The following KCNH5 variants were observed in gnomAD, a reference collection of about 807,000 sequenced individuals.
KCNH5 encodes voltage-gated delayed rectifier potassium channel KCNH5.
KCNH5 carries 46 observed loss-of-function variants against 96.1 expected under a neutral mutation model. The ratio of observed to expected loss-of-function variants is 0.48; its 90% CI spans 0.38 to 0.61. KCNH5 has a LOEUF of 0.61. KCNH5 is among the 20% of genes least tolerant of loss of function. The pLI is 0.00. For missense variants in KCNH5, 907 were observed against 1,225.8 expected (o/e 0.74, Z 3.88); for synonymous variants, 439 against 449.8 (o/e 0.98, Z 0.30).
At chr14:62,985,321 T>G (rs1467075699) in intron 5 of KCNH5, among the ~76,000 whole-genome samples, 1 of 152,276 alleles carries the variant, frequency 6.6e-6, no homozygotes, top group East Asian at 1.9e-4. Flanking sequence ...AAAGTCTTTT[T>G]GTTAGCCATG....
At chr14:62,877,416 A>C (rs1280229381) in intron 7 of KCNH5, among the ~76,000 whole-genome samples, 11 of 152,244 alleles carry the variant, frequency 7.2e-5, no homozygotes, top group African/African-American at 1.4e-4. Flanking sequence ...CAACCTACAA[A>C]ATGGGAGAAA....
chr14:62,704,564 C>T lies in KCNH5; in HGVS notation c.*2944G>A, dbSNP rs1202136865. 2.6e-5 allele frequency: 4 copies of T among 151,776 alleles called. No homozygotes were observed. The highest frequency in any genetic ancestry group is 3.9e-4 in the East Asian group (2 of 5,194). The allele number at this position is 151,776 out of a possible 1,614,324, so 9.4% of individuals were successfully genotyped here. A position where few individuals can be genotyped will look rare whatever the true frequency, so the allele number is the denominator to read the frequency against. The stretch of plus-strand genomic sequence containing the variant: ...TTGCTATTTTGTTACAACCACCTGT[C>T]GAGGATACAGCATCTGATCTTACCT... On this transcript the variant is annotated 3_prime_UTR_variant, in exon 11 of 11. Coordinates refer to ENST00000322893, the MANE Select transcript of KCNH5 (RefSeq NM_139318.5).
chr14:62,758,079 A>T (rs1409612676), intron 10 of KCNH5, among the ~76,000 whole-genome samples: 1 of 150,874 alleles, frequency 6.6e-6, no homozygotes, highest in Non-Finnish European at 1.5e-5. Context: ...TGGGAGACAG[A>T]GGTTGCAGTA....
At chr14:62,840,566 C>CTTTTTTTTT (rs71120238) in intron 8 of KCNH5, among the ~76,000 whole-genome samples, 1,521 of 76,382 alleles carry the variant, frequency 0.02, 2 homozygotes, top group Non-Finnish European at 0.027. Flanking sequence ...TCTTTTTTTT[C>CTTTTTTTTT]TTTTTTTTTT....
chr14:62,716,688 A>T (rs943638110), intron 10 of KCNH5, among the ~76,000 whole-genome samples: 2 of 152,198 alleles, frequency 1.3e-5, no homozygotes, highest in African/African-American at 4.8e-5. Context: ...GGCCTCTAAC[A>T]TCATACTTTA....
chr14:63,003,459 TA>T (rs1305530490), intron 3 of KCNH5, among the ~76,000 whole-genome samples: 4 of 134,102 alleles, frequency 3.0e-5, no homozygotes, highest in Non-Finnish European at 4.6e-5. Context: ...ATTATATATA[TA>T]TTTTATATAT....
chr14:62,941,319 T>G (rs139475544), intron 7 of KCNH5, among the ~76,000 whole-genome samples: 4 of 152,162 alleles, frequency 2.6e-5, no homozygotes, highest in African/African-American at 9.6e-5. Context: ...AAAAGAAAGA[T>G]GGGTATAAAA....
At chr14:63,005,566 C>T (rs992069612) in intron 3 of KCNH5, among the ~76,000 whole-genome samples, 3 of 152,078 alleles carry the variant, frequency 2.0e-5, no homozygotes, top group African/African-American at 7.2e-5. Flanking sequence ...AATAAATTGA[C>T]TCATCTTATG....
Position 62,708,127 on chromosome 14 carries a change from T to G in KCNH5, c.2348A>C (p.Glu783Ala). The G allele has an allele frequency of 6.2e-7, 1 of 1,614,256 alleles. No homozygotes were observed. Among genetic ancestry groups the G allele is most frequent in the Non-Finnish European group, 8.5e-7 (1 of 1,180,050 alleles). The change falls in exon 11 of 11, where the codon GAA becomes GCA. Residue 783 changes from glutamate to alanine, a missense_variant. By Grantham distance (107) the Glu-to-Ala change is moderately radical. Transcript: ENST00000322893. ...GTCAGCACCGCCGTTGGGCTTGAGT[T>G]CCATGGCATCACGGTTGTTCTGCTT... ...SLKQNNRDAM[E>A]LKPNGGADQK... is the part of the protein sequence containing the mutation.
chr14:62,849,609 T>A, intron 8 of KCNH5, 44 bp downstream of exon 8: 1 of 1,510,920 alleles, frequency 6.6e-7, no homozygotes, highest in Admixed American at 1.7e-5. Context: ...CATCTGAAGA[T>A]CCTACTAAAA....
chr14:62,962,807 T>A (rs1890237223), intron 6 of KCNH5, among the ~76,000 whole-genome samples: 1 of 152,186 alleles, frequency 6.6e-6, no homozygotes, highest in Non-Finnish European at 1.5e-5. Flanking sequence ...TATAGCAACA[T>A]TTTAATGAGT....
At chr14:62,730,035 T>C (rs1347497607) in intron 10 of KCNH5, among the ~76,000 whole-genome samples, 1 of 152,256 alleles carries the variant, frequency 6.6e-6, no homozygotes, top group African/African-American at 2.4e-5. Context: ...TCATTTCTTT[T>C]TAAAAACAAA....
chr14:62,715,750 T>G (rs777037570), intron 10 of KCNH5, among the ~76,000 whole-genome samples: 11 of 150,612 alleles, frequency 7.3e-5, no homozygotes, highest in Non-Finnish European at 1.3e-4. Flanking sequence ...TTTTGAAGAA[T>G]TAATTAATTA....
chr14:62,924,254 C>T (rs1040146650), intron 7 of KCNH5, among the ~76,000 whole-genome samples: 1 of 151,844 alleles, frequency 6.6e-6, no homozygotes, highest in African/African-American at 2.4e-5. Flanking sequence ...AAATGCAAGT[C>T]AAAACCACAA....
chr14:62,737,759 C>T (rs1178400168), intron 10 of KCNH5, among the ~76,000 whole-genome samples: 1 of 152,004 alleles, frequency 6.6e-6, no homozygotes, highest in African/African-American at 2.4e-5. Context: ...AGTCGAGTAC[C>T]ACTTTAAAAT....
At chr14:62,773,463 A>G (rs1280679586) in intron 10 of KCNH5, among the ~76,000 whole-genome samples, 2 of 152,060 alleles carry the variant, frequency 1.3e-5, no homozygotes, top group African/African-American at 4.8e-5. Context: ...ATGATCTCTC[A>G]CTAGACTGGA....
intron 5 of KCNH5, among the ~76,000 whole-genome samples, chr14:62,985,794 A>T (rs997349306): frequency 1.3e-5 from 2 of 152,158 alleles, no homozygotes; most frequent in African/African-American, 4.8e-5. Flanking sequence ...TGCCAGACCC[A>T]TAAATCTCCC....
intron 8 of KCNH5, among the ~76,000 whole-genome samples, chr14:62,824,550 TA>T (rs1373473650): frequency 1.3e-5 from 2 of 152,096 alleles, no homozygotes; most frequent in Non-Finnish European, 2.9e-5. Context: ...TTTTTCACCT[TA>T]AAAAGAACAT....
intron 7 of KCNH5, among the ~76,000 whole-genome samples, chr14:62,897,298 A>G (rs1230787983): frequency 3.3e-5 from 5 of 152,232 alleles, no homozygotes; most frequent in Admixed American, 6.5e-5. Context: ...GTAATGAGTA[A>G]CAGATGTCTG....
Sources: allele counts gnomAD v4.1 joint callset (sites outside exome capture counted in the v4.1 genomes callset), GRCh38; gene constraint gnomAD v4.1.1; transcripts MANE v1.5; gene names NCBI Gene and HGNC (gene_info 2026-07-23, HGNC 2026-07-21).